The following UBL3 variants were observed in gnomAD, a reference collection of about 807,000 sequenced individuals.
UBL3 encodes ubiquitin like 3.
Under a neutral mutation model 18.4 loss-of-function variants are expected in UBL3, and 6 were observed. The observed-to-expected ratio is 0.33, with a 90% CI of 0.18 to 0.64. UBL3 has a LOEUF of 0.64. UBL3 is among the 30% of genes least tolerant of loss of function. The pLI is 0.76. For synonymous variants in UBL3, 49 were observed against 46.6 expected, an observed-to-expected ratio of 1.05 and a Z score of -0.21; for missense variants, 109 against 142.9, an observed-to-expected ratio of 0.76 and a Z score of 1.21.
chr13:29,818,199 C>T (rs750805971), intron 1 of UBL3, among the ~76,000 whole-genome samples: 33 of 152,186 alleles, frequency 2.2e-4, no homozygotes, highest in Non-Finnish European at 4.0e-4. Context: ...AACAGTCATA[C>T]TCTAACATTC....
chr13:29,800,725 C>A (rs1329001930), intron 1 of UBL3, among the ~76,000 whole-genome samples: 1 of 152,166 alleles, frequency 6.6e-6, no homozygotes, highest in Non-Finnish European at 1.5e-5. Context: ...TAGTTACCTG[C>A]CGGTCTGCTA....
rs181781191 is a variant in UBL3, at chr13:29,802,555, G to C, written c.28-25292C>G. ...AGAAAGATGAAACCTAATCTAAGGA[G>C]TACAATAAAATGATGCAGGAGCTGA... On this transcript the variant is annotated intron_variant, in intron 1 of 4. Coordinates refer to ENST00000380680, the MANE Select transcript of UBL3 (RefSeq NM_007106.4). 5.5e-3 allele frequency among the ~76,000 whole-genome samples: 838 copies of C among 152,278 alleles called. 5 individuals are homozygous for C. Among genetic ancestry groups the C allele is most frequent in the Admixed American group, 9.6e-3 (147 of 15,298 alleles).
intron 1 of UBL3, among the ~76,000 whole-genome samples, chr13:29,842,455 A>G (rs1879130678): frequency 6.6e-6 from 1 of 151,964 alleles, no homozygotes; most frequent in Non-Finnish European, 1.5e-5. Flanking sequence ...CACCGTGCCC[A>G]GCCCTCCCAT....
chr13:29,843,525 T>C (rs766912867), intron 1 of UBL3, among the ~76,000 whole-genome samples: 4 of 152,236 alleles, frequency 2.6e-5, no homozygotes, highest in Admixed American at 6.5e-5. Flanking sequence ...GAGATCTATA[T>C]AGAAGAACAT....
intron 1 of UBL3, among the ~76,000 whole-genome samples, chr13:29,816,155 A>G (rs1384966679): frequency 6.6e-6 from 1 of 152,182 alleles, no homozygotes; most frequent in Non-Finnish European, 1.5e-5. Flanking sequence ...GAATGAAAGT[A>G]TTTTAACTGA....
rs1876719661 is a variant in UBL3 at position 29,767,412 on chromosome 13, A to G, written c.302-105T>C. 5.7e-6 allele frequency: 8 copies of G among 1,411,230 alleles called. No homozygotes were observed. The South Asian group carries it at 9.0e-5, about 16-fold the overall frequency. 87.4% of individuals were successfully genotyped at this position (1,411,230 alleles called of 1,614,324 possible). On this transcript the variant is annotated intron_variant, in intron 4 of 4. Transcript: ENST00000380680. The stretch of plus-strand genomic sequence containing the variant: ...AAGTAGTAGTTTTGAGTTTTTAAAA[A>G]TGTTTGCATTTTTCAAAATTAAGAA...
Position 29,765,883 on chromosome 13 carries a change from T to TAGTA in UBL3, c.*1368_*1371dup, listed in dbSNP as rs10664856. On this transcript the variant is annotated 3_prime_UTR_variant, in exon 5 of 5. Coordinates refer to ENST00000380680, the MANE Select transcript of UBL3 (RefSeq NM_007106.4). ...AATGTTTGTAAGGGCTGTTGACACT[T>TAGTA]AGTACAGAATGTAATGTCAGCCTGC... is the stretch of plus-strand genomic sequence containing the variant. The TAGTA allele has an allele frequency of 0.97, 148,050 of 152,552 alleles. 71,905 individuals are homozygous for TAGTA. The highest frequency in any genetic ancestry group is 1 in the Non-Finnish European group (67,853 of 67,968). 9.4% of individuals were successfully genotyped at this position (152,552 alleles called of 1,614,324 possible).
At chr13:29,774,406 C>A (rs528761819) in intron 2 of UBL3, among the ~76,000 whole-genome samples, 4 of 151,728 alleles carry the variant, frequency 2.6e-5, no homozygotes, top group South Asian at 4.2e-4. Context: ...CCGCTCCCCC[C>A]AAAAAAAATC....
intron 1 of UBL3, among the ~76,000 whole-genome samples, chr13:29,825,405 A>C (rs1407367073): frequency 6.6e-6 from 1 of 152,148 alleles, no homozygotes; most frequent in African/African-American, 2.4e-5. Flanking sequence ...TTCTCCTTGA[A>C]GAGGTCCTTC....
chr13:29,772,254 A>C, intron 2 of UBL3, 56 bp from the exon 3 acceptor site: 1 of 1,430,022 alleles, frequency 7.0e-7, no homozygotes, highest in South Asian at 1.3e-5. Flanking sequence ...TTAAGGTACT[A>C]CTATATTGTT....
chr13:29,782,528 G>A (rs913425433), intron 1 of UBL3, among the ~76,000 whole-genome samples: 4 of 152,084 alleles, frequency 2.6e-5, no homozygotes, highest in Non-Finnish European at 4.4e-5. Flanking sequence ...GTTTATAGGT[G>A]GGTATGAATC....
chr13:29,802,364 C>T (rs551688504), intron 1 of UBL3, among the ~76,000 whole-genome samples: 1 of 152,226 alleles, frequency 6.6e-6, no homozygotes, highest in Admixed American at 6.5e-5. Context: ...TCAGCCCACA[C>T]AGAGAAGAAA....
At chr13:29,810,969 A>T (rs1593664789) in intron 1 of UBL3, among the ~76,000 whole-genome samples, 1 of 152,072 alleles carries the variant, frequency 6.6e-6, no homozygotes, top group East Asian at 1.9e-4. Context: ...CTATGTATAG[A>T]CCCTTGACAT....
At position 29,765,134 on chromosome 13, in the gene UBL3, C is replaced by T. The variant is rs952870682; in HGVS notation, c.*2121G>A. On this transcript the variant is annotated 3_prime_UTR_variant, in exon 5 of 5. Coordinates refer to ENST00000380680, the MANE Select transcript of UBL3 (RefSeq NM_007106.4). ...ACACACAGAAAAATATATTGAAAAA[C>T]CAATAGAGAATTATTTTTAACCATC... is the stretch of plus-strand genomic sequence containing the variant. The T allele has an allele frequency of 2.6e-5, 4 of 151,604 alleles. No homozygotes were observed. Among genetic ancestry groups the T allele is most frequent in the Non-Finnish European group, 5.9e-5 (4 of 67,882 alleles). The allele number at this position is 151,604 out of a possible 1,614,324, so 9.4% of individuals were successfully genotyped here. A position where few individuals can be genotyped will look rare whatever the true frequency, so the allele number is the denominator to read the frequency against.
intron 1 of UBL3, among the ~76,000 whole-genome samples, chr13:29,816,542 T>C (rs549191604): frequency 3.9e-5 from 6 of 151,902 alleles, no homozygotes; most frequent in Middle Eastern, 3.4e-3. Context: ...GAGGATTGAA[T>C]AAGCCCAAGA....
At chr13:29,829,223 C>T (rs964312088) in intron 1 of UBL3, among the ~76,000 whole-genome samples, 2 of 152,228 alleles carry the variant, frequency 1.3e-5, no homozygotes, top group African/African-American at 2.4e-5. Context: ...AGCTGTCAGA[C>T]AGGGACATTT....
chr13:29,773,946 A>G (rs1319049075), intron 2 of UBL3, among the ~76,000 whole-genome samples: 13 of 152,208 alleles, frequency 8.5e-5, no homozygotes, highest in Non-Finnish European at 1.6e-4. Flanking sequence ...ATTTGTTATT[A>G]ACATCAATAA....
intron 1 of UBL3, among the ~76,000 whole-genome samples, chr13:29,844,930 G>A (rs1270588827): frequency 2.7e-5 from 1 of 36,720 alleles, no homozygotes; most frequent in Non-Finnish European, 6.1e-5. Context: ...CTATTACTAC[G>A]GAACAATATT....
At chr13:29,833,379 T>C (rs1323385183) in intron 1 of UBL3, among the ~76,000 whole-genome samples, 1 of 150,768 alleles carries the variant, frequency 6.6e-6, no homozygotes, top group Non-Finnish European at 1.5e-5. Flanking sequence ...TCTAGGACAC[T>C]GGCACCCAAA....
Sources: gnomAD v4.1 joint callset for allele counts (sites outside exome capture counted in the v4.1 genomes callset) on GRCh38, gnomAD v4.1.1 for gene constraint, MANE v1.5 for transcripts, NCBI Gene and HGNC (gene_info 2026-07-23, HGNC 2026-07-21) for gene names.